Variants in SDK1 observed in about 807,000 individuals in gnomAD.
SDK1 encodes the protein sidekick cell adhesion molecule 1.
Under a neutral mutation model 245.5 loss-of-function variants are expected in SDK1, and 157 were observed. The observed-to-expected ratio is 0.64, with a 90% CI of 0.56 to 0.73. The LOEUF (loss-of-function observed/expected upper bound fraction) is 0.73. Ranked by LOEUF, SDK1 falls within the 30% of genes least tolerant of loss-of-function variation. SDK1 has a pLI of 0.00. For missense variants in SDK1, 3,583 were observed against 3,002.3 expected (o/e 1.19, Z -4.52); for synonymous variants, 1,647 against 1,278.5 (o/e 1.29, Z -6.15).
intron 2 of SDK1, among the ~76,000 whole-genome samples, chr7:3,619,484 C>G (rs527317565): frequency 6.6e-6 from 1 of 152,240 alleles, no homozygotes; most frequent in East Asian, 1.9e-4. Flanking sequence ...AATTATCAGT[C>G]AACAAAAACC....
chr7:4,071,693 GGAA>G (rs1354102952), intron 20 of SDK1, among the ~76,000 whole-genome samples: 23 of 152,170 alleles, frequency 1.5e-4, no homozygotes, highest in African/African-American at 4.8e-4. Flanking sequence ...GCTACCATTC[GGAA>G]GAAGAAGACT....
intron 4 of SDK1, among the ~76,000 whole-genome samples, chr7:3,726,276 A>C (rs926700902): frequency 6.6e-6 from 1 of 152,250 alleles, no homozygotes; most frequent in Non-Finnish European, 1.5e-5. Context: ...CCAGATTTAG[A>C]GGTATGCTCA....
At chr7:4,163,249 G>A (rs1452965491) in intron 32 of SDK1, among the ~76,000 whole-genome samples, 5 of 152,172 alleles carry the variant, frequency 3.3e-5, no homozygotes, top group Non-Finnish European at 7.4e-5. Context: ...GCTGGGGTCA[G>A]GAGGGCAGTC....
At chr7:3,578,215 A>G (rs2614971) in intron 1 of SDK1, among the ~76,000 whole-genome samples, 90,392 of 151,770 alleles carry the variant, frequency 0.6, 27,566 homozygotes, top group South Asian at 0.73. Flanking sequence ...CGGTAGGACC[A>G]TGATGCCCAC....
At chr7:3,462,550 T>A in intron 1 of SDK1, among the ~76,000 whole-genome samples, 1 of 152,220 alleles carries the variant, frequency 6.6e-6, no homozygotes, top group Non-Finnish European at 1.5e-5. Flanking sequence ...TATCTACCTG[T>A]TAACTTGATA....
At chr7:3,450,931 A>T (rs1780494223) in intron 1 of SDK1, among the ~76,000 whole-genome samples, 1 of 152,148 alleles carries the variant, frequency 6.6e-6, no homozygotes, top group Admixed American at 6.5e-5. Context: ...GCGGAAGCCA[A>T]AGGAGGAGAA....
At chr7:4,110,420 C>T (rs1237172166) in intron 22 of SDK1, among the ~76,000 whole-genome samples, 1 of 152,216 alleles carries the variant, frequency 6.6e-6, no homozygotes, top group Non-Finnish European at 1.5e-5. Flanking sequence ...TCCAGTCCTT[C>T]TGTGGCCCAG....
intron 1 of SDK1, among the ~76,000 whole-genome samples, chr7:3,599,924 T>G (rs1194935213): frequency 6.6e-6 from 1 of 152,222 alleles, no homozygotes; most frequent in Non-Finnish European, 1.5e-5. Flanking sequence ...CTTCCTTTTT[T>G]CATATAAAGC....
intron 1 of SDK1, among the ~76,000 whole-genome samples, chr7:3,452,245 G>T (rs1780536559): frequency 6.6e-6 from 1 of 152,070 alleles, no homozygotes; most frequent in Non-Finnish European, 1.5e-5. Flanking sequence ...TTTTCTCAAG[G>T]ACTCTAGGAT....
At chr7:3,546,795 T>A (rs1779239117) in intron 1 of SDK1, among the ~76,000 whole-genome samples, 1 of 152,198 alleles carries the variant, frequency 6.6e-6, no homozygotes, top group Non-Finnish European at 1.5e-5. Context: ...ATTTGGGTAG[T>A]TTATCTTTTC....
chr7:3,518,878 A>C (rs956147256), intron 1 of SDK1, among the ~76,000 whole-genome samples: 1 of 152,134 alleles, frequency 6.6e-6, no homozygotes, highest in Non-Finnish European at 1.5e-5. Flanking sequence ...CACAATATAC[A>C]AGATATGGAA....
intron 1 of SDK1, among the ~76,000 whole-genome samples, chr7:3,494,152 A>C (rs565728089): frequency 1.3e-5 from 2 of 152,272 alleles, no homozygotes; most frequent in Admixed American, 1.3e-4. Flanking sequence ...CACTGCCCCA[A>C]CATTCAAAAT....
chr7:3,784,219 A>G (rs190743983), intron 4 of SDK1, among the ~76,000 whole-genome samples: 4 of 151,800 alleles, frequency 2.6e-5, no homozygotes, highest in Admixed American at 2.0e-4. Context: ...TGCCTGGCCT[A>G]TTCAACTGAT....
chr7:4,040,686 CA>C (rs1335397632), intron 17 of SDK1, among the ~76,000 whole-genome samples: 1 of 152,124 alleles, frequency 6.6e-6, no homozygotes, highest in Non-Finnish European at 1.5e-5. Context: ...GCATAAGGCA[CA>C]AAAAACCAGG....
At chr7:3,551,186 GT>G (rs1351244411) in intron 1 of SDK1, among the ~76,000 whole-genome samples, 1 of 152,156 alleles carries the variant, frequency 6.6e-6, no homozygotes, top group Non-Finnish European at 1.5e-5. Flanking sequence ...AACACCGGGG[GT>G]GGGGGGCCCA....
At chr7:3,444,166 C>T (rs369340146) in intron 1 of SDK1, among the ~76,000 whole-genome samples, 7 of 152,292 alleles carry the variant, frequency 4.6e-5, no homozygotes, top group African/African-American at 1.4e-4. Flanking sequence ...ATTTATAAGA[C>T]AGAGATGTTT....
chr7:4,106,307 C>CTT (rs773537615), intron 22 of SDK1, among the ~76,000 whole-genome samples: 1 of 142,300 alleles, frequency 7.0e-6, no homozygotes, highest in Non-Finnish European at 1.5e-5. Context: ...TTTTTTCTTT[C>CTT]TTTTTTTTTT....
At chr7:3,776,107 C>A (rs1030982793) in intron 4 of SDK1, among the ~76,000 whole-genome samples, 1 of 152,222 alleles carries the variant, frequency 6.6e-6, no homozygotes, top group African/African-American at 2.4e-5. Flanking sequence ...AATATGATAG[C>A]AACTCATGTA....
intron 1 of SDK1, among the ~76,000 whole-genome samples, chr7:3,356,072 C>T (rs989669451): frequency 5.3e-5 from 8 of 152,336 alleles, no homozygotes; most frequent in African/African-American, 1.9e-4. Flanking sequence ...AAGGAAGTTT[C>T]ACAGCCTTGT....
Sources: allele counts gnomAD v4.1 joint callset (sites outside exome capture counted in the v4.1 genomes callset), GRCh38; gene constraint gnomAD v4.1.1; transcripts MANE v1.5; gene names NCBI Gene and HGNC (gene_info 2026-07-23, HGNC 2026-07-21).